MEFV: variants seen among roughly 807,000 people sequenced by gnomAD.
MEFV encodes the protein MEFV innate immunity regulator, pyrin.
Under a neutral mutation model 62.5 loss-of-function variants are expected in MEFV, and 60 were observed. The observed-to-expected ratio is 0.96, with a 90% confidence interval of 0.78 to 1.19. MEFV has a LOEUF of 1.19. Ranked by LOEUF, MEFV falls within the 50% of genes most tolerant of loss-of-function variation. The pLI is 0.00. For synonymous variants in MEFV, 500 were observed against 415.2 expected, an observed-to-expected ratio of 1.20 and a Z score of -2.48; for missense variants, 1,169 against 1,004.5, an observed-to-expected ratio of 1.16 and a Z score of -2.21.
Position 3,254,388 on chromosome 16 carries a change from C to T in MEFV, c.680G>A (p.Arg227Lys), listed in dbSNP as rs747728630. Residue 227 changes from arginine to lysine, a missense_variant, in exon 2 of 10, where the codon AGG (arginine) becomes AAG (lysine). Arg to Lys is a conservative substitution (Grantham distance 26). Transcript: ENST00000219596. The stretch of plus-strand genomic sequence containing the variant: ...CGAGGGCAGGTACACTTCGAAGGGC[C>T]TGCACTCCTTCTGCCCCGGGGCGCC... Reference protein sequence around the residue: ...AGGAPGQKECRPFEVYLPSGK... With the variant: ...AGGAPGQKECKPFEVYLPSGK... 6.2e-7 allele frequency: 1 copy of T among 1,614,024 alleles called. No individual in the cohort carries two copies. Among genetic ancestry groups the T allele is most frequent in the Non-Finnish European group, 8.5e-7 (1 of 1,180,012 alleles).
Position 3,247,079 on chromosome 16 carries a change from C to T in MEFV, c.1524G>A (p.Leu508=), listed in dbSNP as rs1317763396. The change falls in exon 5 of 10, where the codon CTG becomes CTA. Residue 508 remains leucine, a synonymous_variant. Transcript: ENST00000219596. Reference sequence around the variant, plus strand: ...CCAGTTCCCCAATCAGCGCATCGAGCAGGGCGATGTCCTGGGATACGCGGG... The same window carrying T: ...CCAGTTCCCCAATCAGCGCATCGAGTAGGGCGATGTCCTGGGATACGCGGG... The part of the protein sequence containing the change: ...YDTRVSQDIA[L]LDALIGELEA... 6.2e-7 allele frequency: 1 copy of T among 1,614,190 alleles called. No homozygotes were observed. The highest frequency in any genetic ancestry group is 2.2e-5 in the East Asian group (1 of 44,888).
intron 8 of MEFV, 101 bp downstream of exon 8, chr16:3,244,152 TG>T (rs1279674387): frequency 1.9e-6 from 3 of 1,541,752 alleles, no homozygotes; most frequent in South Asian, 1.1e-5. Context: ...TCCAGGTGTT[TG>T]GTTTTTTTTT....
At chr16:3,250,975 A>G (rs8052280) in intron 2 of MEFV, among the ~76,000 whole-genome samples, 20,700 of 141,828 alleles carry the variant, frequency 0.15, 3,806 homozygotes, top group African/African-American at 0.43. Flanking sequence ...AGTGAGCTGA[A>G]GTTGCGCCAC....
At chr16:3,254,023 G>T (rs1959075413) in intron 2 of MEFV, 135 bp downstream of exon 2, 1 of 945,714 alleles carries the variant, frequency 1.1e-6, no homozygotes, top group Non-Finnish European at 1.6e-6. Context: ...CACCAGGCTG[G>T]TCTCAAAGTC....
In MEFV at chr16:3,254,687, G is replaced by C. The variant is rs1356077187; in HGVS notation, c.381C>G (p.Asn127Lys). The change falls in exon 2 of 10, where the codon AAC becomes AAG. Residue 127 changes from asparagine (N) to lysine (K), a missense_variant. Physicochemically the swap from Asn to Lys is moderately conservative, Grantham distance 94 (BLOSUM62 0). Transcript: ENST00000219596. Reference sequence around the variant, plus strand: ...CGTACGGCCGAGGGCCGTTCCCCTCGTTCCCCTCGGGGTGGTCTGGAGTCT... The same window carrying C: ...CGTACGGCCGAGGGCCGTTCCCCTCCTTCCCCTCGGGGTGGTCTGGAGTCT... ...SLKTPDHPEG[N>K]EGNGPRPYGG... 1 of 1,612,386 alleles carries C rather than the reference G, an allele frequency of 6.2e-7. No individual in the cohort carries two copies. Among genetic ancestry groups the C allele is most frequent in the Non-Finnish European group, 8.5e-7 (1 of 1,179,954 alleles).
At chr16:3,255,789 A>G (rs535699084) in intron 1 of MEFV, among the ~76,000 whole-genome samples, 1 of 152,176 alleles carries the variant, frequency 6.6e-6, no homozygotes, top group African/African-American at 2.4e-5. Flanking sequence ...GGTCAGCAAA[A>G]CCCAGATTAT....
In MEFV at chr16:3,243,161, C is replaced by T. The variant is rs1051274200; in HGVS notation, c.2326G>A (p.Gly776Ser). The change falls in exon 10 of 10, where the codon GGT (glycine) becomes AGT (serine). Residue 776 changes from glycine (G) to serine (S), a missense_variant. Physicochemically the swap from Gly to Ser is moderately conservative, Grantham distance 56. Coordinates refer to ENST00000219596, the MANE Select transcript of MEFV (RefSeq NM_000243.3). Reference protein sequence around the residue: ...NTAPLTICPVGGQGPD With the variant: ...NTAPLTICPVSGQGPD ...GGCATTCAGTCAGGCCCCTGACCACCCACTGGACAGATAGTCAGAGGAGCT... is the reference window on the plus strand; with the variant it reads ...GGCATTCAGTCAGGCCCCTGACCACTCACTGGACAGATAGTCAGAGGAGCT... The T allele has an allele frequency of 6.2e-7, 1 of 1,613,566 alleles. No homozygotes were observed. The highest frequency in any genetic ancestry group is 1.3e-5 in the African/African-American group (1 of 74,874).
chr16:3,253,599 G>C (rs1287781022), intron 2 of MEFV, among the ~76,000 whole-genome samples: 1 of 152,112 alleles, frequency 6.6e-6, no homozygotes, highest in Admixed American at 6.6e-5. Flanking sequence ...CTGCAGCCTG[G>C]AACTCCCTGG....
At chr16:3,246,611 C>T in intron 5 of MEFV, 64 bp from the exon 6 acceptor site, 1 of 1,597,572 alleles carries the variant, frequency 6.3e-7, no homozygotes, top group South Asian at 1.1e-5. Context: ...GACTCCTGGC[C>T]TCTACTTCTG....
rs1437746739 is a variant in MEFV, at chr16:3,254,229, C to T, written c.839G>A (p.Arg280Lys). The T allele has an allele frequency of 2.5e-6, 4 of 1,614,270 alleles. No homozygotes were observed. The highest frequency in any genetic ancestry group is 4.5e-5 in the East Asian group (2 of 44,890). Residue 280 changes from arginine to lysine, a missense_variant, in exon 2 of 10, where the codon AGG (arginine) becomes AAG (lysine). Coordinates refer to ENST00000219596, the MANE Select transcript of MEFV (RefSeq NM_000243.3). ...AGATGCCCCTCCATCCGGAGTGGGC[C>T]TTGCCCGGGGTTCTGTTGCCGAGTC... Reference protein sequence around the residue: ...NLDSATEPRARPTPDGGASAD... With the variant: ...NLDSATEPRAKPTPDGGASAD...
Position 3,243,368 on chromosome 16 carries a change from T to G in MEFV, c.2119A>C (p.Thr707Pro). 6.2e-7 allele frequency: 1 copy of G among 1,613,972 alleles called. No homozygotes were observed. The highest frequency in any genetic ancestry group is 8.5e-7 in the Non-Finnish European group (1 of 1,179,972). The change falls in exon 10 of 10, where the codon ACC (threonine) becomes CCC (proline). Residue 707 changes from threonine (T) to proline (P), a missense_variant. By Grantham distance (38) the Thr-to-Pro change is conservative. Coordinates refer to ENST00000219596, the MANE Select transcript of MEFV (RefSeq NM_000243.3). ...GGAGGCTCCTTTATTAGCAGGCGGG[T>G]CGGGGGAACGCTGGACGCCTGGTAC... The part of the protein sequence containing the change: ...NEYQASSVPP[T>P]RLLIKEPPKR...
rs780525080 is a variant in MEFV at position 3,254,431 on chromosome 16, G to C, written c.637C>G (p.Leu213Val). The change falls in exon 2 of 10, where the codon CTG (leucine) becomes GTG (valine). Residue 213 changes from leucine to valine, a missense_variant. Physicochemically the swap from Leu to Val is conservative, Grantham distance 32. Coordinates refer to ENST00000219596, the MANE Select transcript of MEFV (RefSeq NM_000243.3). Reference sequence around the variant, plus strand: ...GGGGCGCCCCCCGCCAGCCCCTGCAGCCTCCCCGCGGAGCTGGCGTTTCTG... The same window carrying C: ...GGGGCGCCCCCCGCCAGCCCCTGCACCCTCCCCGCGGAGCTGGCGTTTCTG... ...LRRNASSAGR[L>V]QGLAGGAPGQ... 1.9e-6 allele frequency: 3 copies of C among 1,611,752 alleles called. No individual in the cohort carries two copies. Among genetic ancestry groups the C allele is most frequent in the Non-Finnish European group, 2.5e-6 (3 of 1,179,080 alleles).
At chr16:3,244,650 G>A in intron 6 of MEFV, 62 bp from the exon 7 acceptor site, 1 of 1,252,834 alleles carries the variant, frequency 8.0e-7, no homozygotes, top group Non-Finnish European at 1.2e-6. Flanking sequence ...AAGTACCCGT[G>A]AGCTGGAAAT....
At chr16:3,245,300 A>G (rs1396393852) in intron 6 of MEFV, among the ~76,000 whole-genome samples, 2 of 151,534 alleles carry the variant, frequency 1.3e-5, no homozygotes, top group Admixed American at 6.6e-5. Flanking sequence ...AGAAGAAAAG[A>G]AAGGAAGGAA....
rs11466047 is a variant in MEFV at position 3,243,324 on chromosome 16, G to C, written c.2163C>G (p.Phe721Leu). ...IKEPPKRVGI[F>L]VDYRVGSISF... Reference sequence around the variant, plus strand: ...AGATGCTTCCAACTCTGTAGTCCACGAAGATGCCCACACGCTTGGGAGGCT... The same window carrying C: ...AGATGCTTCCAACTCTGTAGTCCACCAAGATGCCCACACGCTTGGGAGGCT... The change falls in exon 10 of 10, where the codon TTC (phenylalanine) becomes TTG (leucine). Residue 721 changes from phenylalanine to leucine, a missense_variant. Coordinates refer to ENST00000219596, the MANE Select transcript of MEFV (RefSeq NM_000243.3). 1 of 1,614,058 alleles carries C rather than the reference G, an allele frequency of 6.2e-7. No individual in the cohort carries two copies. The highest frequency in any genetic ancestry group is 1.3e-5 in the African/African-American group (1 of 74,910).
intron 6 of MEFV, 142 bp from the exon 7 acceptor site, chr16:3,244,730 A>G: frequency 1.4e-6 from 1 of 726,350 alleles, no homozygotes; most frequent in Non-Finnish European, 2.5e-6. Context: ...CCCTGGATTC[A>G]GAGGTCTAAA....
rs538471276 is a variant in MEFV at position 3,246,231 on chromosome 16, G to A, written c.1610+294C>T. 2.6e-5 allele frequency among the ~76,000 whole-genome samples: 4 copies of A among 152,204 alleles called. No individual in the cohort carries two copies. In the South Asian group the frequency reaches 6.2e-4, roughly 24 times the overall value. On this transcript the variant is annotated intron_variant, in intron 6 of 9. Transcript: ENST00000219596. The stretch of plus-strand genomic sequence containing the variant: ...GCAGCTTTCATCAGATGAACTGCAC[G>A]GGACACAATGCACTCGGAAGGTTTC...
intron 2 of MEFV, 120 bp downstream of exon 2, chr16:3,254,038 C>T: frequency 8.9e-7 from 1 of 1,117,716 alleles, no homozygotes; most frequent in Non-Finnish European, 1.3e-6. Context: ...AAAGTCTTGG[C>T]CTCCAGCAAT....
At chr16:3,246,900 C>T in intron 5 of MEFV, 116 bp downstream of exon 5, 1 of 1,011,542 alleles carries the variant, frequency 9.9e-7, no homozygotes, top group Non-Finnish European at 1.5e-6. Flanking sequence ...CAAGTCCTAT[C>T]CTAGGCCTTA....
Sources: allele counts gnomAD v4.1 joint callset (sites outside exome capture counted in the v4.1 genomes callset), GRCh38; gene constraint gnomAD v4.1.1; transcripts MANE v1.5; gene names NCBI Gene and HGNC (gene_info 2026-07-23, HGNC 2026-07-21).